Variants in RALA observed in about 807,000 individuals in gnomAD.
RALA encodes the protein ras-related protein Ral-A.
A neutral mutation model predicts 24.0 loss-of-function variants in RALA; 5 were observed. That is an observed-to-expected ratio of 0.21 (90% CI 0.11 to 0.44). RALA has a LOEUF of 0.44. Ranked by LOEUF, RALA falls within the 20% of genes least tolerant of loss-of-function variation. The pLI is 0.99. For synonymous variants in RALA, 77 were observed against 83.8 expected, an observed-to-expected ratio of 0.92 and a Z score of 0.44; for missense variants, 95 against 241.2, an observed-to-expected ratio of 0.39 and a Z score of 4.01.
At chr7:39,658,720 A>C (rs1792136187) in intron 1 of RALA, among the ~76,000 whole-genome samples, 2 of 151,992 alleles carry the variant, frequency 1.3e-5, no homozygotes, top group African/African-American at 4.8e-5. Flanking sequence ...CTGTAAGCGA[A>C]TCTTCCCTCT....
intron 2 of RALA, among the ~76,000 whole-genome samples, chr7:39,688,893 G>C (rs1792759186): frequency 6.6e-6 from 1 of 152,188 alleles, no homozygotes; most frequent in South Asian, 2.1e-4. Context: ...GAGGCTTCAG[G>C]AGACCTGCAA....
At chr7:39,696,370 G>A (rs557993372) in intron 3 of RALA, among the ~76,000 whole-genome samples, 154 of 152,238 alleles carry the variant, frequency 1.0e-3, no homozygotes, top group Middle Eastern at 6.8e-3. Flanking sequence ...AAACTATTAA[G>A]GTCATCAAAA....
At position 39,706,182 on chromosome 7, in the gene RALA, G is replaced by T; in HGVS notation, c.558G>T (p.Lys186Asn). 1 of 1,609,230 alleles carries T rather than the reference G, an allele frequency of 6.2e-7. No individual in the cohort carries two copies. The highest frequency in any genetic ancestry group is 8.5e-7 in the Non-Finnish European group (1 of 1,178,684). ...RARKMEDSKE[K>N]NGKKKRKSLA... ...GAAAGATGGAAGACAGCAAAGAAAA[G>T]AATGGAAAAAAGAAGAGGAAAAGTT... Residue 186 changes from lysine (K) to asparagine (N), a missense_variant, in exon 5 of 5, where the codon AAG (lysine) becomes AAT (asparagine). By Grantham distance (94) the Lys-to-Asn change is moderately conservative. Transcript: ENST00000005257.
At position 39,695,536 on chromosome 7, in the gene RALA, C is replaced by G. The variant is rs1310126282; in HGVS notation, c.324-1149C>G. The stretch of plus-strand genomic sequence containing the variant: ...AAGCGATCTTCCTGAGTAGCTAGGA[C>G]TACAGGTGCACACTACTACACCCAG... On this transcript the variant is annotated intron_variant, in intron 3 of 4. Transcript: ENST00000005257. Among the ~76,000 whole-genome samples the G allele has an allele frequency of 2.0e-5, 3 of 151,704 alleles. No individual in the cohort carries two copies. In the East Asian group the frequency reaches 5.8e-4, roughly 29 times the overall value.
chr7:39,639,143 G>C (rs1381948821), intron 1 of RALA, among the ~76,000 whole-genome samples: 1 of 152,316 alleles, frequency 6.6e-6, no homozygotes, highest in African/African-American at 2.4e-5. Context: ...TGATACAAGA[G>C]TTAAGTTTCT....
At chr7:39,627,596 C>T (rs1348469115) in intron 1 of RALA, among the ~76,000 whole-genome samples, 1 of 152,158 alleles carries the variant, frequency 6.6e-6, no homozygotes, top group African/African-American at 2.4e-5. Flanking sequence ...GGAAGGTGGG[C>T]AAAGATCCCC....
chr7:39,635,429 T>C (rs1791670995), intron 1 of RALA, among the ~76,000 whole-genome samples: 1 of 152,148 alleles, frequency 6.6e-6, no homozygotes, highest in African/African-American at 2.4e-5. Flanking sequence ...TGTGCAATTA[T>C]CACCAATATC....
chr7:39,684,023 T>C (rs1450605177), intron 1 of RALA, among the ~76,000 whole-genome samples: 1 of 152,244 alleles, frequency 6.6e-6, no homozygotes, highest in Admixed American at 6.5e-5. Context: ...CTGATGTATT[T>C]AGGAACACCA....
intron 1 of RALA, among the ~76,000 whole-genome samples, chr7:39,665,408 A>G (rs1354625600): frequency 1.3e-5 from 2 of 152,204 alleles, no homozygotes; most frequent in East Asian, 3.8e-4. Flanking sequence ...CTATTATGTT[A>G]TTGGTAAGGC....
In RALA at chr7:39,706,113, T is replaced by G; in HGVS notation, c.499-10T>G. 2 of 1,594,268 alleles carry G rather than the reference T, an allele frequency of 1.3e-6. No individual in the cohort carries two copies. Among genetic ancestry groups the G allele is most frequent in the Non-Finnish European group, 1.7e-6 (2 of 1,169,718 alleles). ...GTTTGCTTTATTTATCCTATTTTTTTTCTTTCTAGGTATTTTTTGATTTAA... is the reference window on the plus strand; with the variant it reads ...GTTTGCTTTATTTATCCTATTTTTTGTCTTTCTAGGTATTTTTTGATTTAA... On this transcript the variant is annotated splice_polypyrimidine_tract_variant and intron_variant, in intron 4 of 4. Coordinates refer to ENST00000005257, the MANE Select transcript of RALA (RefSeq NM_005402.4).
At chr7:39,704,159 CA>C (rs796540060) in intron 4 of RALA, among the ~76,000 whole-genome samples, 35,175 of 116,524 alleles carry the variant, frequency 0.3, 4,959 homozygotes, top group East Asian at 0.43. Flanking sequence ...GAGACTCTCT[CA>C]AAAAAAAAAA....
At chr7:39,685,438 C>CA (rs1258404781) in intron 1 of RALA, among the ~76,000 whole-genome samples, 1 of 152,170 alleles carries the variant, frequency 6.6e-6, no homozygotes, top group Admixed American at 6.5e-5. Flanking sequence ...CGAAACAAGT[C>CA]AAAGAGTTGC....
chr7:39,634,754 GAATAA>G (rs770767085), intron 1 of RALA, among the ~76,000 whole-genome samples: 7 of 151,948 alleles, frequency 4.6e-5, no homozygotes, highest in Non-Finnish European at 8.8e-5. Context: ...TAGTCCCTAA[GAATAA>G]AATAAAACTT....
At chr7:39,641,709 TCA>T (rs1791820617) in intron 1 of RALA, among the ~76,000 whole-genome samples, 1 of 152,190 alleles carries the variant, frequency 6.6e-6, no homozygotes, top group Non-Finnish European at 1.5e-5. Context: ...AATTCCCAGT[TCA>T]TTTTCATGAT....
chr7:39,652,369 A>G (rs1402683042), intron 1 of RALA, among the ~76,000 whole-genome samples: 1 of 152,208 alleles, frequency 6.6e-6, no homozygotes, highest in Non-Finnish European at 1.5e-5. Flanking sequence ...ATTCTTACTA[A>G]TAATTCACAT....
intron 1 of RALA, among the ~76,000 whole-genome samples, chr7:39,672,041 A>G (rs950787382): frequency 1.9e-4 from 29 of 152,208 alleles, no homozygotes; most frequent in Admixed American, 1.9e-3. Context: ...AAAACATAGT[A>G]GTTAATTTGC....
Position 39,696,846 on chromosome 7 carries a change from C to T in RALA, c.485C>T (p.Ala162Val), listed in dbSNP as rs777203688. 6.2e-7 allele frequency: 1 copy of T among 1,611,466 alleles called. No homozygotes were observed. The highest frequency in any genetic ancestry group is 8.5e-7 in the Non-Finnish European group (1 of 1,179,160). Residue 162 changes from alanine (A) to valine (V), a missense_variant, in exon 4 of 5, where the codon GCT becomes GTT. Ala to Val is a moderately conservative substitution (Grantham distance 64). Transcript: ENST00000005257. ...NYVETSAKTR[A>V]NVDKVFFDLM... ...GTGGAAACATCTGCTAAAACACGAG[C>T]TAATGTTGACAAGGTAACACGTGAC...
chr7:39,670,488 A>C (rs1293990902), intron 1 of RALA, among the ~76,000 whole-genome samples: 1 of 152,240 alleles, frequency 6.6e-6, no homozygotes, highest in Non-Finnish European at 1.5e-5. Context: ...TGTTAAATTC[A>C]GTAAATAAAA....
At chr7:39,686,076 C>T (rs1239743848) in intron 1 of RALA, among the ~76,000 whole-genome samples, 4 of 152,104 alleles carry the variant, frequency 2.6e-5, no homozygotes, top group Admixed American at 1.3e-4. Context: ...CATGGTGGTG[C>T]GCGCTTGTAG....
Sources: allele counts gnomAD v4.1 joint callset (sites outside exome capture counted in the v4.1 genomes callset), GRCh38; gene constraint gnomAD v4.1.1; transcripts MANE v1.5; gene names NCBI Gene and HGNC (gene_info 2026-07-23, HGNC 2026-07-21).